C2orf42: variants seen among roughly 807,000 people sequenced by gnomAD.
The protein encoded by C2orf42 is chromosome 2 open reading frame 42, also known as uncharacterized protein C2orf42.
C2orf42 carries 44 observed loss-of-function variants against 58.9 expected under a neutral mutation model. That is an observed-to-expected ratio of 0.75 (90% CI 0.59 to 0.96). C2orf42 has a LOEUF of 0.96. C2orf42 is among the 40% of genes least tolerant of loss of function. The pLI is 0.00. For synonymous variants in C2orf42, 239 were observed against 265.4 expected, an observed-to-expected ratio of 0.90 and a Z score of 0.97; for missense variants, 630 against 699.2, an observed-to-expected ratio of 0.90 and a Z score of 1.12.
chr2:70,169,315 C>T (rs1673635632), intron 6 of C2orf42, among the ~76,000 whole-genome samples: 9 of 151,736 alleles, frequency 5.9e-5, no homozygotes. Flanking sequence ...AATAAGACTA[C>T]CTGCCTTTAC....
intron 8 of C2orf42, among the ~76,000 whole-genome samples, chr2:70,161,046 T>C (rs1254112341): frequency 6.6e-6 from 1 of 152,152 alleles, no homozygotes; most frequent in Non-Finnish European, 1.5e-5. Flanking sequence ...GCCTCTAACA[T>C]CTTCATGGGT....
intron 3 of C2orf42, among the ~76,000 whole-genome samples, chr2:70,179,965 A>C (rs1451978696): frequency 6.6e-6 from 1 of 151,890 alleles, no homozygotes; most frequent in African/African-American, 2.4e-5. Context: ...ACAAAAACAA[A>C]AAAAAAATTA....
chr2:70,185,720 A>AT (rs1420482085), intron 1 of C2orf42, among the ~76,000 whole-genome samples: 238 of 150,934 alleles, frequency 1.6e-3, no homozygotes, highest in African/African-American at 4.4e-3. Flanking sequence ...CACAAAAAAA[A>AT]ATATATATAT....
At chr2:70,189,360 C>A (rs771653036) in intron 1 of C2orf42, among the ~76,000 whole-genome samples, 32 of 121,840 alleles carry the variant, frequency 2.6e-4, no homozygotes, top group Non-Finnish European at 4.6e-4. Flanking sequence ...GAGCCAAGAT[C>A]GTGCCATTGC....
Position 70,181,418 on chromosome 2 carries a change from C to T in C2orf42, c.568G>A (p.Val190Met). ...TTCTGGCTTGCCTTGCATTTCACCA[C>T]CAAGATGTTTTTAGTAATTCTCTGC... ...LVQRITKNIL[V>M]VKCKASQKHS... Residue 190 changes from valine (V) to methionine (M), a missense_variant, in exon 3 of 10, where the codon GTG becomes ATG. Val to Met is a conservative substitution (Grantham distance 21, BLOSUM62 1). Transcript: ENST00000264434. 1 of 1,614,130 alleles carries T rather than the reference C, an allele frequency of 6.2e-7. No homozygotes were observed. Among genetic ancestry groups the T allele is most frequent in the South Asian group, 1.1e-5 (1 of 91,076 alleles).
At chr2:70,150,706 G>C in intron 9 of C2orf42, 142 bp from the exon 10 acceptor site, 1 of 626,940 alleles carries the variant, frequency 1.6e-6, no homozygotes, top group Non-Finnish European at 2.8e-6. Flanking sequence ...ATTCAGTGGT[G>C]ATTGGGATAT....
intron 5 of C2orf42, among the ~76,000 whole-genome samples, chr2:70,175,165 T>C (rs1029875405): frequency 6.6e-6 from 1 of 152,238 alleles, no homozygotes; most frequent in Non-Finnish European, 1.5e-5. Flanking sequence ...TTTTGCCACG[T>C]TGGCCAGGCT....
At chr2:70,188,480 A>C (rs776423568) in intron 1 of C2orf42, among the ~76,000 whole-genome samples, 2 of 152,106 alleles carry the variant, frequency 1.3e-5, no homozygotes, top group African/African-American at 4.8e-5. Context: ...GTGAGCCGCT[A>C]TGCCTGGCCT....
intron 1 of C2orf42, among the ~76,000 whole-genome samples, chr2:70,184,808 A>G (rs899407061): frequency 3.4e-5 from 5 of 149,084 alleles, no homozygotes; most frequent in African/African-American, 2.5e-5. Context: ...AAAATGTTTT[A>G]GGCCGGGCGC....
rs143686455 is a variant in C2orf42, at chr2:70,177,617, G to T, written c.935-1840C>A. On this transcript the variant is annotated intron_variant, in intron 4 of 9. Transcript: ENST00000264434. ...CCATCCCTAGCAATATTTCCTATAG[G>T]TAGGACCATTTTAAGGATCTTAACA... is the stretch of plus-strand genomic sequence containing the variant. Among the ~76,000 whole-genome samples the T allele has an allele frequency of 1.4e-3, 219 of 152,138 alleles. 1 individual carries two copies. The highest frequency in any genetic ancestry group is 5.1e-3 in the African/African-American group (210 of 41,508).
intron 8 of C2orf42, among the ~76,000 whole-genome samples, chr2:70,164,424 G>C (rs1673266783): frequency 6.6e-6 from 1 of 151,976 alleles, no homozygotes; most frequent in South Asian, 2.1e-4. Flanking sequence ...ATGAGGTCAG[G>C]AATTTGAGAC....
intron 8 of C2orf42, among the ~76,000 whole-genome samples, chr2:70,162,428 A>C (rs1297391808): frequency 6.6e-6 from 1 of 151,344 alleles, no homozygotes; most frequent in African/African-American, 2.4e-5. Flanking sequence ...AGGGTGGATC[A>C]CCTGAGGTCA....
intron 5 of C2orf42, among the ~76,000 whole-genome samples, chr2:70,171,428 T>C (rs781000789): frequency 2.6e-5 from 4 of 152,190 alleles, no homozygotes; most frequent in Non-Finnish European, 5.9e-5. Flanking sequence ...AATAGATGAC[T>C]GAGTGATGCA....
chr2:70,151,661 C>G (rs940261172), intron 9 of C2orf42, among the ~76,000 whole-genome samples: 1 of 151,990 alleles, frequency 6.6e-6, no homozygotes, highest in South Asian at 2.1e-4. Flanking sequence ...AATAAAAAAA[C>G]AAGAAGGATG....
Position 70,181,518 on chromosome 2 carries a change from C to G in C2orf42, c.468G>C (p.Leu156=). Residue 156 remains leucine (L), a synonymous_variant, in exon 3 of 10, where the codon CTG becomes CTC. Transcript: ENST00000264434. ...TTTCCGGGGAGGCCTGCATTGCATTCAGGACCGAGCTCTTCAGGGTCAGAG... is the reference window on the plus strand; with the variant it reads ...TTTCCGGGGAGGCCTGCATTGCATTGAGGACCGAGCTCTTCAGGGTCAGAG... The part of the protein sequence containing the change: ...ATPLTLKSSV[L]NAMQASPETK... 4 of 1,613,566 alleles carry G rather than the reference C, an allele frequency of 2.5e-6. No individual in the cohort carries two copies. The highest frequency in any genetic ancestry group is 2.5e-6 in the Non-Finnish European group (3 of 1,180,012).
intron 1 of C2orf42, among the ~76,000 whole-genome samples, chr2:70,188,843 GT>G (rs1675129138): frequency 6.6e-6 from 1 of 152,068 alleles, no homozygotes. Flanking sequence ...ATTTGAGCTT[GT>G]TTGATATCTT....
chr2:70,181,204 A>AGT lies in C2orf42; in HGVS notation c.780_781dup (p.Leu261HisfsTer10). The stretch of plus-strand genomic sequence containing the variant: ...TAGGAAGTCTGAGAATTCCTGAGCC[A>AGT]GTGTCTCATCACTGGCAAAGGCACA... On this transcript the variant is annotated frameshift_variant, in exon 3 of 10. Transcript: ENST00000264434. LOFTEE classifies it high-confidence loss of function. 6.3e-7 allele frequency: 1 copy of AGT among 1,587,282 alleles called. No individual in the cohort carries two copies. Among genetic ancestry groups the AGT allele is most frequent in the Non-Finnish European group, 8.6e-7 (1 of 1,161,316 alleles).
At position 70,180,607 on chromosome 2, in the gene C2orf42, C is replaced by CAAAA. The variant is rs59381817; in HGVS notation, c.823+552_823+555dup. On this transcript the variant is annotated intron_variant, in intron 3 of 9. Transcript: ENST00000264434. ...TTTGTGATGGAGCAAGATTCTGTCT[C>CAAAA]AAAAAAAAAAAAAAAAAAAAAAAAT... 6.5e-3 allele frequency among the ~76,000 whole-genome samples: 371 copies of CAAAA among 56,998 alleles called. 12 individuals carry two copies. Among genetic ancestry groups the CAAAA allele is most frequent in the African/African-American group, 0.017 (256 of 14,958 alleles). 37.4% of individuals were successfully genotyped at this position (56,998 alleles called of 152,430 possible). A position where few individuals can be genotyped will look rare whatever the true frequency, so the allele number is the denominator to read the frequency against.
intron 1 of C2orf42, chr2:70,190,686 C>T (rs1267066350): frequency 6.6e-6 from 1 of 152,244 alleles, no homozygotes; most frequent in African/African-American, 2.4e-5. Context: ...CTCCGGGACG[C>T]TCACCTCCCG....
Sources: gnomAD v4.1 joint callset for allele counts (sites outside exome capture counted in the v4.1 genomes callset) on GRCh38, gnomAD v4.1.1 for gene constraint, MANE v1.5 for transcripts, NCBI Gene and HGNC (gene_info 2026-07-23, HGNC 2026-07-21) for gene names.